Variants in CABCOCO1 observed in about 807,000 individuals in gnomAD.
CABCOCO1 encodes ciliary-associated calcium-binding coiled-coil protein 1.
Under a neutral mutation model 35.7 loss-of-function variants are expected in CABCOCO1, and 28 were observed. That is an observed-to-expected ratio of 0.78 (90% CI 0.58 to 1.07). The LOEUF (loss-of-function observed/expected upper bound fraction) is 1.07, where lower values mean the gene tolerates loss of function less well. Ranked by LOEUF, CABCOCO1 falls within the 50% of genes least tolerant of loss-of-function variation. The pLI is 0.00. For missense variants in CABCOCO1, 326 were observed against 309.2 expected, an observed-to-expected ratio of 1.05 and a Z score of -0.41; for synonymous variants, 95 against 100.1, an observed-to-expected ratio of 0.95 and a Z score of 0.30.
chr10:61,746,127 T>C (rs1055972894), intron 5 of CABCOCO1, among the ~76,000 whole-genome samples: 2 of 152,228 alleles, frequency 1.3e-5, no homozygotes, highest in African/African-American at 4.8e-5. Context: ...CCTTCACTTT[T>C]ATATGCACTA....
At chr10:61,669,033 A>AAAAAAAAAAAAAAAAAC (rs398013742) in intron 1 of CABCOCO1, among the ~76,000 whole-genome samples, 1 of 150,152 alleles carries the variant, frequency 6.7e-6, no homozygotes, top group Non-Finnish European at 1.5e-5. Flanking sequence ...AAAAAAAAAA[A>AAAAAAAAAAAAAAAAAC]CACCTTCCAA....
At position 61,757,700 on chromosome 10, in the gene CABCOCO1, GAC is replaced by G. The variant is rs67841126; in HGVS notation, c.553-2335_553-2334del. Among the ~76,000 whole-genome samples the G allele has an allele frequency of 9.5e-3, 1,397 of 147,816 alleles. 4 individuals are homozygous for G. Among genetic ancestry groups the G allele is most frequent in the Non-Finnish European group, 0.013 (842 of 66,822 alleles). On this transcript the variant is annotated intron_variant, in intron 5 of 7. Transcript: ENST00000648843. The stretch of plus-strand genomic sequence containing the variant: ...TGTGCCCAGTACACACACACACACA[GAC>G]ACACACACACACACACACACACAGT...
rs372004989 is a variant in CABCOCO1, at chr10:61,760,157, C to G, written c.651C>G (p.Pro217=). The G allele has an allele frequency of 3.6e-5, 58 of 1,611,560 alleles. 1 individual carries two copies. Among genetic ancestry groups the G allele is most frequent in the Admixed American group, 1.0e-4 (6 of 59,844 alleles). The change falls in exon 6 of 8, where the codon CCC becomes CCG. Residue 217 remains proline, a synonymous_variant. Coordinates refer to ENST00000648843, the MANE Select transcript of CABCOCO1 (RefSeq NM_001366906.2). ...TTTATTCAACATTCATAGAGCCCCC[C>G]ACAATATTGGATACGGAAATGAAGG... ...FDIYSTFIEP[P]TILDTEMKRL...
At chr10:61,719,217 A>G (rs543002779) in intron 5 of CABCOCO1, among the ~76,000 whole-genome samples, 2 of 152,294 alleles carry the variant, frequency 1.3e-5, no homozygotes, top group Admixed American at 6.5e-5. Flanking sequence ...ACAAATTATG[A>G]AAGTTATAAT....
intron 5 of CABCOCO1, among the ~76,000 whole-genome samples, chr10:61,757,789 A>G (rs995757760): frequency 1.3e-5 from 2 of 152,038 alleles, no homozygotes; most frequent in African/African-American, 4.8e-5. Flanking sequence ...AAAGAAATCC[A>G]GAGGACAGGG....
chr10:61,669,774 C>T (rs1182822025), intron 1 of CABCOCO1, among the ~76,000 whole-genome samples: 1 of 151,990 alleles, frequency 6.6e-6, no homozygotes, highest in Non-Finnish European at 1.5e-5. Flanking sequence ...TCATATAGTT[C>T]TTGTGTGACC....
intron 5 of CABCOCO1, among the ~76,000 whole-genome samples, chr10:61,709,607 C>T (rs150736886): frequency 0.013 from 1,984 of 149,786 alleles, 36 homozygotes; most frequent in African/African-American, 0.045. Context: ...ACCACTAAAT[C>T]ACTAAAACTA....
chr10:61,715,994 G>T (rs1001583745), intron 5 of CABCOCO1, among the ~76,000 whole-genome samples: 2 of 151,928 alleles, frequency 1.3e-5, no homozygotes, highest in Non-Finnish European at 1.5e-5. Flanking sequence ...GTTTCTTGGG[G>T]TTGCTTTTCC....
chr10:61,682,889 C>CTTTCTTTTTT lies in CABCOCO1; in HGVS notation c.334+1580_334+1581insCTTTTTTTTT, dbSNP rs1554821781. The stretch of plus-strand genomic sequence containing the variant: ...CCAGGAGTTAGTTTCACATGAATTT[C>CTTTCTTTTTT]TTTTTTTTTTTTTTTAAGACAGATT... On this transcript the variant is annotated intron_variant, in intron 3 of 7. Transcript: ENST00000648843. Among the ~76,000 whole-genome samples, 3 of 128,182 alleles carry CTTTCTTTTTT rather than the reference C, an allele frequency of 2.3e-5. No individual in the cohort carries two copies. The East Asian group carries it at 6.5e-4, about 28-fold the overall frequency. The allele number at this position is 128,182 out of a possible 152,430, so 84.1% of individuals were successfully genotyped here. A position where few individuals can be genotyped will look rare whatever the true frequency, so the allele number is the denominator to read the frequency against.
At chr10:61,665,083 CATA>C (rs1183074040) in intron 1 of CABCOCO1, among the ~76,000 whole-genome samples, 3 of 152,156 alleles carry the variant, frequency 2.0e-5, no homozygotes, top group Non-Finnish European at 4.4e-5. Flanking sequence ...AGAAATAAAT[CATA>C]AGCTTTCAGT....
At chr10:61,751,151 G>A (rs1589154386) in intron 5 of CABCOCO1, among the ~76,000 whole-genome samples, 1 of 152,052 alleles carries the variant, frequency 6.6e-6, no homozygotes, top group South Asian at 2.1e-4. Flanking sequence ...GGCAATACAG[G>A]GCTGAGACCA....
intron 5 of CABCOCO1, among the ~76,000 whole-genome samples, chr10:61,728,990 T>C (rs1396000580): frequency 5.9e-5 from 9 of 152,104 alleles, no homozygotes; most frequent in Non-Finnish European, 1.3e-4. Context: ...AAAGTAAATA[T>C]ATCAAAAAAG....
chr10:61,710,886 T>C (rs1239599049), intron 5 of CABCOCO1, among the ~76,000 whole-genome samples: 1 of 151,842 alleles, frequency 6.6e-6, no homozygotes, highest in East Asian at 1.9e-4. Context: ...AGCTTTTCAC[T>C]CCAGGCATTT....
At chr10:61,713,475 C>G (rs1472598886) in intron 5 of CABCOCO1, among the ~76,000 whole-genome samples, 1 of 152,164 alleles carries the variant, frequency 6.6e-6, no homozygotes, top group Non-Finnish European at 1.5e-5. Context: ...ATTTGACTTC[C>G]TCTTTTCCTA....
At chr10:61,748,832 A>G (rs187002755) in intron 5 of CABCOCO1, among the ~76,000 whole-genome samples, 1 of 152,282 alleles carries the variant, frequency 6.6e-6, no homozygotes, top group East Asian at 1.9e-4. Context: ...GAAAAAGCCA[A>G]TGCACCCCTG....
chr10:61,723,674 A>G (rs1841076038), intron 5 of CABCOCO1, among the ~76,000 whole-genome samples: 1 of 152,182 alleles, frequency 6.6e-6, no homozygotes. Context: ...GGGTCCTCAC[A>G]GGGCATAGAG....
intron 5 of CABCOCO1, among the ~76,000 whole-genome samples, chr10:61,712,093 C>T (rs1021734854): frequency 6.6e-6 from 1 of 152,038 alleles, no homozygotes; most frequent in Non-Finnish European, 1.5e-5. Context: ...ATTTACACTC[C>T]CATCAACAGT....
chr10:61,700,679 T>C (rs1840425249), intron 5 of CABCOCO1, among the ~76,000 whole-genome samples: 1 of 152,044 alleles, frequency 6.6e-6, no homozygotes, highest in African/African-American at 2.4e-5. Flanking sequence ...AATCAGACAA[T>C]GGGCAGAAAT....
intron 1 of CABCOCO1, among the ~76,000 whole-genome samples, chr10:61,671,692 TC>T (rs1428811389): frequency 6.6e-6 from 1 of 152,164 alleles, no homozygotes; most frequent in African/African-American, 2.4e-5. Context: ...CAACGCTTCA[TC>T]CCTGCACTGT....
Sources: gnomAD v4.1 joint callset for allele counts (sites outside exome capture counted in the v4.1 genomes callset) on GRCh38, gnomAD v4.1.1 for gene constraint, MANE v1.5 for transcripts, NCBI Gene and HGNC (gene_info 2026-07-23, HGNC 2026-07-21) for gene names.